Variants in ARHGAP31 observed in about 807,000 individuals in gnomAD.
ARHGAP31 encodes the protein rho GTPase-activating protein 31.
In ARHGAP31, 34 loss-of-function variants were observed where a neutral mutation model predicts 113.9. That is an observed-to-expected ratio of 0.30 (90% CI 0.23 to 0.40). The LOEUF (loss-of-function observed/expected upper bound fraction) is 0.40. ARHGAP31 is among the 10% of genes least tolerant of loss of function. The pLI, the probability that ARHGAP31 is intolerant of heterozygous loss-of-function variation, is 1.00. For synonymous variants in ARHGAP31, 650 were observed against 684.8 expected (o/e 0.95, Z 0.79); for missense variants, 1,548 against 1,767.1 (o/e 0.88, Z 2.22).
chr3:119,339,141 G>A (rs2079985305), intron 1 of ARHGAP31, among the ~76,000 whole-genome samples: 1 of 152,212 alleles, frequency 6.6e-6, no homozygotes, highest in East Asian at 1.9e-4. Context: ...CTTTGGTAGG[G>A]GAGAGCTGGA....
chr3:119,408,908 C>A (rs2080689676), intron 10 of ARHGAP31, among the ~76,000 whole-genome samples: 1 of 152,166 alleles, frequency 6.6e-6, no homozygotes, highest in African/African-American at 2.4e-5. Context: ...AAGAGTCACA[C>A]AGGAAGCTGT....
intron 1 of ARHGAP31, among the ~76,000 whole-genome samples, chr3:119,333,641 C>G (rs16829702): frequency 0.21 from 32,666 of 152,082 alleles, 4,399 homozygotes; most frequent in African/African-American, 0.38. Context: ...CTTCCCAACA[C>G]TTATTACCTC....
chr3:119,334,674 G>A (rs1008101227), intron 1 of ARHGAP31, among the ~76,000 whole-genome samples: 9 of 152,216 alleles, frequency 5.9e-5, no homozygotes, highest in African/African-American at 2.2e-4. Flanking sequence ...CCAGGTTGTA[G>A]TCAACCTGAC....
intron 1 of ARHGAP31, among the ~76,000 whole-genome samples, chr3:119,318,498 C>G (rs1432031373): frequency 1.3e-5 from 2 of 152,160 alleles, no homozygotes; most frequent in African/African-American, 4.8e-5. Flanking sequence ...CCAGTAGATG[C>G]AGGTCAGCTT....
chr3:119,304,805 G>T (rs2079616342), intron 1 of ARHGAP31, among the ~76,000 whole-genome samples: 2 of 152,186 alleles, frequency 1.3e-5, no homozygotes, highest in South Asian at 4.2e-4. Flanking sequence ...TGAGGCGAAA[G>T]AATTGCTTGA....
chr3:119,358,010 A>C (rs184369298), intron 1 of ARHGAP31, among the ~76,000 whole-genome samples: 1 of 152,370 alleles, frequency 6.6e-6, no homozygotes, highest in Admixed American at 6.5e-5. Flanking sequence ...AAAGAAAAAC[A>C]TAGATAAATT....
chr3:119,301,657 A>G (rs1225578018), intron 1 of ARHGAP31, among the ~76,000 whole-genome samples: 1 of 151,856 alleles, frequency 6.6e-6, no homozygotes, highest in Non-Finnish European at 1.5e-5. Context: ...TTTTTTTACC[A>G]GGAATCACCT....
Position 119,393,521 on chromosome 3 carries a change from T to C in ARHGAP31, c.936T>C (p.Arg312=), listed in dbSNP as rs200813566. The C allele has an allele frequency of 1.1e-3, 1,714 of 1,614,146 alleles. 2 individuals carry two copies. The highest frequency in any genetic ancestry group is 1.1e-3 in the Non-Finnish European group (1,345 of 1,179,986). The change falls in exon 8 of 12, where the codon CGT becomes CGC. Residue 312 remains arginine (R), a synonymous_variant. Transcript: ENST00000264245. ...GGAAATCAATATTTAACCTGGGACG[T>C]TCTGGATCAGACTCCAAATCAAAAC... ...KKWKSIFNLG[R]SGSDSKSKLS...
At chr3:119,351,648 T>C (rs2080112086) in intron 1 of ARHGAP31, among the ~76,000 whole-genome samples, 1 of 151,524 alleles carries the variant, frequency 6.6e-6, no homozygotes, top group Non-Finnish European at 1.5e-5. Context: ...ACACTCAGAG[T>C]AGAAAAAAAT....
intron 11 of ARHGAP31, among the ~76,000 whole-genome samples, chr3:119,411,393 CTATT>C (rs912630721): frequency 4.6e-5 from 7 of 152,042 alleles, no homozygotes; most frequent in African/African-American, 1.7e-4. Context: ...GCTACAATCA[CTATT>C]TAGAAGGTAG....
intron 1 of ARHGAP31, among the ~76,000 whole-genome samples, chr3:119,328,568 C>A (rs992101818): frequency 5.3e-5 from 8 of 152,178 alleles, no homozygotes; most frequent in Non-Finnish European, 1.2e-4. Context: ...TTTGAAGATA[C>A]CTATTGTATC....
intron 10 of ARHGAP31, among the ~76,000 whole-genome samples, chr3:119,405,497 T>G (rs1048726819): frequency 6.6e-6 from 1 of 152,084 alleles, no homozygotes; most frequent in Non-Finnish European, 1.5e-5. Context: ...AGCTTCCACT[T>G]AAGGATGTCA....
chr3:119,346,935 T>C (rs940910400), intron 1 of ARHGAP31, among the ~76,000 whole-genome samples: 2 of 152,166 alleles, frequency 1.3e-5, no homozygotes, highest in Non-Finnish European at 2.9e-5. Flanking sequence ...TGACGGTCTC[T>C]TCCAACTCTG....
intron 6 of ARHGAP31, among the ~76,000 whole-genome samples, chr3:119,390,470 T>C (rs995486236): frequency 2.6e-5 from 4 of 152,204 alleles, no homozygotes; most frequent in African/African-American, 9.6e-5. Flanking sequence ...GTTGTCACTC[T>C]GGCTCACAGT....
intron 8 of ARHGAP31, among the ~76,000 whole-genome samples, chr3:119,395,289 G>T (rs1300238825): frequency 6.6e-6 from 1 of 152,198 alleles, no homozygotes; most frequent in African/African-American, 2.4e-5. Flanking sequence ...CAGTTACAAC[G>T]ATTTAGGCTG....
rs750066123 is a variant in ARHGAP31 at position 119,382,412 on chromosome 3, C to T, written c.539+13C>T. 32 of 1,611,464 alleles carry T rather than the reference C, an allele frequency of 2.0e-5. No homozygotes were observed. Among genetic ancestry groups the T allele is most frequent in the Non-Finnish European group, 2.5e-5 (30 of 1,177,642 alleles). ...CAAACCTCCTCAGGTAACCACTCTA[C>T]CCTCCCCTTGTCACCAGCCCAGGGG... On this transcript the variant is annotated intron_variant, in intron 5 of 11. Coordinates refer to ENST00000264245, the MANE Select transcript of ARHGAP31 (RefSeq NM_020754.4).
At chr3:119,337,246 C>T (rs79568964) in intron 1 of ARHGAP31, among the ~76,000 whole-genome samples, 15,660 of 152,164 alleles carry the variant, frequency 0.1, 904 homozygotes, top group Non-Finnish European at 0.12. Flanking sequence ...GACTTGCTTC[C>T]TTCTGGTGGG....
At chr3:119,315,155 T>A (rs1293934042) in intron 1 of ARHGAP31, among the ~76,000 whole-genome samples, 1 of 152,232 alleles carries the variant, frequency 6.6e-6, no homozygotes, top group Non-Finnish European at 1.5e-5. Flanking sequence ...GCTTTTCTCT[T>A]CTGTGTATAC....
At chr3:119,371,671 G>C (rs1427184831) in intron 3 of ARHGAP31, among the ~76,000 whole-genome samples, 1 of 152,014 alleles carries the variant, frequency 6.6e-6, no homozygotes, top group Non-Finnish European at 1.5e-5. Flanking sequence ...TTTATTTTAG[G>C]TTCAGGGTAC....
Sources: gnomAD v4.1 joint callset for allele counts (sites outside exome capture counted in the v4.1 genomes callset) on GRCh38, gnomAD v4.1.1 for gene constraint, MANE v1.5 for transcripts, NCBI Gene and HGNC (gene_info 2026-07-23, HGNC 2026-07-21) for gene names.